The following OTOF variants were observed in gnomAD, a reference collection of about 807,000 sequenced individuals.
The protein encoded by OTOF is fer-1-like family member 2.
In OTOF, 218 loss-of-function variants were observed where a neutral mutation model predicts 236.8. That is an observed-to-expected ratio of 0.92 (90% CI 0.82 to 1.03). OTOF has a LOEUF of 1.03. Among genes scored for constraint, OTOF ranks in the 50% least tolerant of loss-of-function variants. OTOF has a pLI of 0.00. For synonymous variants in OTOF, 1,041 were observed against 1,072.5 expected, an observed-to-expected ratio of 0.97 and a Z score of 0.57; for missense variants, 2,590 against 2,694.4, an observed-to-expected ratio of 0.96 and a Z score of 0.86.
chr2:26,513,556 C>G (rs751880769), intron 5 of OTOF, among the ~76,000 whole-genome samples: 6 of 152,208 alleles, frequency 3.9e-5, no homozygotes, highest in Non-Finnish European at 8.8e-5. Context: ...GCGGCTGATC[C>G]CCACGCCGGA....
chr2:26,512,383 T>C (rs1026285269), intron 5 of OTOF, among the ~76,000 whole-genome samples: 2 of 152,236 alleles, frequency 1.3e-5, no homozygotes, highest in Non-Finnish European at 1.5e-5. Context: ...TGTCATGCAG[T>C]GCATGTGAGT....
In OTOF at chr2:26,473,053, CTTGGACTGGGCGGA is replaced by C; in HGVS notation, c.3733+65_3733+78del. On this transcript the variant is annotated intron_variant, in intron 29 of 46. Transcript: ENST00000272371. The surrounding 1 kb of genome is among the most constrained non-coding windows in gnomAD (Gnocchi z 7.2). ...CCCAAAGAGCAAACTCTGGTCGCGG[CTTGGACTGGGCGGA>C]GACCTGGAGCCCTTCCCTGGGGGGC... 1 of 1,468,982 alleles carries C rather than the reference CTTGGACTGGGCGGA, an allele frequency of 6.8e-7. No individual in the cohort carries two copies. The highest frequency in any genetic ancestry group is 9.4e-7 in the Non-Finnish European group (1 of 1,069,404). 91.0% of individuals were successfully genotyped at this position (1,468,982 alleles called of 1,614,324 possible).
intron 1 of OTOF, among the ~76,000 whole-genome samples, chr2:26,548,711 A>G (rs1287883351): frequency 1.3e-5 from 2 of 152,242 alleles, no homozygotes; most frequent in African/African-American, 4.8e-5. Context: ...TACAGCATTG[A>G]ATACAGTTAC....
Position 26,481,004 on chromosome 2 carries a change from G to A in OTOF, c.1585C>T (p.Leu529=). The A allele has an allele frequency of 1.2e-6, 2 of 1,612,278 alleles. No homozygotes were observed. Among genetic ancestry groups the A allele is most frequent in the Non-Finnish European group, 1.7e-6 (2 of 1,179,418 alleles). ...KISNDGDKGF[L]PTLGPAWVNM... is the part of the protein sequence containing the mutation. ...ACCCAGGCTGGGCCCAGTGTGGGCA[G>A]GAAGCCTGTGGCAGTGGGAACAAAA... Residue 529 remains leucine, a synonymous_variant, in exon 15 of 47, where the codon CTG becomes TTG. Transcript: ENST00000272371.
rs764162969 is a variant in OTOF, at chr2:26,474,109, A to T, written c.3290T>A (p.Ile1097Asn). 1 of 1,612,710 alleles carries T rather than the reference A, an allele frequency of 6.2e-7. No individual in the cohort carries two copies. The highest frequency in any genetic ancestry group is 1.7e-5 in the Admixed American group (1 of 59,988). Residue 1097 changes from isoleucine (I) to asparagine (N), a missense_variant and splice_region_variant, in exon 27 of 47, where the codon ATT (isoleucine) becomes AAT (asparagine). By Grantham distance (149) the Ile-to-Asn change is moderately radical. Coordinates refer to ENST00000272371, the MANE Select transcript of OTOF (RefSeq NM_194248.3). ...CAGGTCAGCCTTCCCTGCTGGTCCA[A>T]TCTGGGGAATGGGGGTCACAGGTCA... is the stretch of plus-strand genomic sequence containing the variant. Reference protein sequence around the residue: ...DLLAAFELLQIGPAGKADLPP... With the variant: ...DLLAAFELLQNGPAGKADLPP...
At chr2:26,492,395 T>C (rs1236964472) in intron 9 of OTOF, among the ~76,000 whole-genome samples, 1 of 152,206 alleles carries the variant, frequency 6.6e-6, no homozygotes, top group Non-Finnish European at 1.5e-5. Context: ...ATCAGAGCTA[T>C]TTGGGTTTGT....
chr2:26,477,939 T>C lies in OTOF; in HGVS notation c.2215-190A>G. 6.9e-7 allele frequency: 1 copy of C among 1,447,566 alleles called. No individual in the cohort carries two copies. The highest frequency in any genetic ancestry group is 2.0e-5 in the African/African-American group (1 of 49,106). The allele number at this position is 1,447,566 out of a possible 1,614,324, so 89.7% of individuals were successfully genotyped here. ...AGGTTCTGTTCTCAGAACCTGGAGA[T>C]GTTGGTGTTCATGGGGGTTCTTCAG... On this transcript the variant is annotated intron_variant, in intron 18 of 46. Transcript: ENST00000272371. This position sits in a 1 kb window ranked among gnomAD's most constrained non-coding sequence, Gnocchi z 4.7.
chr2:26,537,093 A>C (rs919395417), intron 2 of OTOF, among the ~76,000 whole-genome samples: 5 of 152,198 alleles, frequency 3.3e-5, no homozygotes, highest in African/African-American at 1.2e-4. Flanking sequence ...AGCTGGAGTG[A>C]GGATTGAGAA....
In OTOF at chr2:26,542,066, A is replaced by C. The variant is rs530840119; in HGVS notation, c.80-4292T>G. ...CTCCTTTCACCATTTAAAAATACCC[A>C]CACGACAGATCTTCTCCAAATGGAG... On this transcript the variant is annotated intron_variant, in intron 1 of 46. Transcript: ENST00000272371. Among the ~76,000 whole-genome samples the C allele has an allele frequency of 1.1e-4, 17 of 152,358 alleles. No homozygotes were observed. The East Asian group carries it at 3.1e-3, about 28-fold the overall frequency.
intron 36 of OTOF, chr2:26,466,379 C>G (rs1681620737): frequency 1.9e-6 from 1 of 512,940 alleles, no homozygotes; most frequent in Non-Finnish European, 3.5e-6. Flanking sequence ...CTCTGTCTCC[C>G]AGGCTGGAGT....
chr2:26,547,118 T>C (rs1317420029), intron 1 of OTOF, among the ~76,000 whole-genome samples: 1 of 152,222 alleles, frequency 6.6e-6, no homozygotes, highest in Non-Finnish European at 1.5e-5. Context: ...TAATGTTAGC[T>C]GGATGATTTT....
rs540170212 is a variant in OTOF, at chr2:26,500,234, T to G, written c.765+1520A>C. Among the ~76,000 whole-genome samples the G allele has an allele frequency of 3.9e-5, 6 of 152,342 alleles. No homozygotes were observed. In the South Asian group the frequency reaches 1.2e-3, roughly 32 times the overall value. On this transcript the variant is annotated intron_variant, in intron 8 of 46. Transcript: ENST00000272371. ...TCCTGACCTTCCTGGGGCCTCACTT[T>G]CTTACCTATAAATGCAGTAACACCT...
intron 1 of OTOF, among the ~76,000 whole-genome samples, chr2:26,545,490 A>C: frequency 6.6e-6 from 1 of 152,142 alleles, no homozygotes; most frequent in Non-Finnish European, 1.5e-5. Context: ...TTTTTTATGA[A>C]TAGGAGTTTT....
At position 26,475,895 on chromosome 2, in the gene OTOF, C is replaced by T. The variant is rs1453017907; in HGVS notation, c.2991+19G>A. 4 of 1,592,404 alleles carry T rather than the reference C, an allele frequency of 2.5e-6. No homozygotes were observed. The African/African-American group carries it at 5.4e-5, about 21-fold the overall frequency. ...GGTGCTCTCAAAGCCAGAGCCACTC[C>T]CTCCTCCCAGGCCCTCACCTCTGTG... On this transcript the variant is annotated intron_variant, in intron 24 of 46. Transcript: ENST00000272371.
chr2:26,539,139 C>T (rs1413350720), intron 1 of OTOF, among the ~76,000 whole-genome samples: 1 of 152,004 alleles, frequency 6.6e-6, no homozygotes, highest in African/African-American at 2.4e-5. Context: ...TCAGTACATA[C>T]TCCAAGGTAC....
chr2:26,477,246 T>A lies in OTOF; in HGVS notation c.2449A>T (p.Lys817Ter). 1 of 1,609,650 alleles carries A rather than the reference T, an allele frequency of 6.2e-7. No individual in the cohort carries two copies. The highest frequency in any genetic ancestry group is 8.5e-7 in the Non-Finnish European group (1 of 1,179,144). Reference sequence around the variant, plus strand: ...AGCTTGTCCCGCACCGTGTGCCGCTTCACCTGGGCCCGCAGCATCCTGGCC... The same window carrying A: ...AGCTTGTCCCGCACCGTGTGCCGCTACACCTGGGCCCGCAGCATCCTGGCC... The part of the protein sequence containing the change: ...QQARMLRAQV[K>*]RHTVRDKLRL... The change falls in exon 21 of 47, where the codon AAG becomes TAG. Residue 817 changes from lysine to a stop codon, truncating the protein, a stop_gained. Coordinates refer to ENST00000272371, the MANE Select transcript of OTOF (RefSeq NM_194248.3). LOFTEE classifies it high-confidence loss of function. The surrounding 1 kb of genome is among the most constrained non-coding windows in gnomAD (Gnocchi z 4.7).
At chr2:26,525,067 G>A (rs1014167290) in intron 3 of OTOF, among the ~76,000 whole-genome samples, 1 of 152,202 alleles carries the variant, frequency 6.6e-6, no homozygotes, top group Non-Finnish European at 1.5e-5. Context: ...TCTCACCCCA[G>A]GGAAGAAGGC....
intron 1 of OTOF, among the ~76,000 whole-genome samples, chr2:26,557,795 A>C (rs1265396296): frequency 6.6e-6 from 1 of 151,254 alleles, no homozygotes; most frequent in East Asian, 2.0e-4. Context: ...CTTCTGTCTC[A>C]CATACCTGTC....
intron 1 of OTOF, among the ~76,000 whole-genome samples, chr2:26,549,897 A>G (rs1188450773): frequency 6.6e-6 from 1 of 152,208 alleles, no homozygotes; most frequent in African/African-American, 2.4e-5. Context: ...TGCCACCCAC[A>G]CAGTCATCAA....
Sources: gnomAD v4.1 joint callset for allele counts (sites outside exome capture counted in the v4.1 genomes callset) on GRCh38, gnomAD v4.1.1 for gene constraint, Gnocchi (gnomAD v3.1) non-coding constraint, MANE v1.5 for transcripts, NCBI Gene and HGNC (gene_info 2026-07-23, HGNC 2026-07-21) for gene names.